The following NALCN variants were observed in gnomAD, a reference collection of about 807,000 sequenced individuals.
The protein encoded by NALCN is sodium leak channel NALCN.
Under a neutral mutation model 225.3 loss-of-function variants are expected in NALCN, and 111 were observed. The ratio of observed to expected loss-of-function variants is 0.49; its 90% confidence interval spans 0.42 to 0.58. The LOEUF is 0.58. Among genes scored for constraint, NALCN ranks in the 20% least tolerant of loss-of-function variants. The pLI is 0.00. For synonymous variants in NALCN, 764 were observed against 769.0 expected (o/e 0.99, Z 0.11); for missense variants, 1,378 against 2,202.4 (o/e 0.63, Z 7.49).
At chr13:101,208,932 T>C (rs973204553) in intron 13 of NALCN, among the ~76,000 whole-genome samples, 2 of 152,200 alleles carry the variant, frequency 1.3e-5, no homozygotes, top group African/African-American at 2.4e-5. Context: ...GCTTTAGAAA[T>C]TGCTCAGTCT....
At chr13:101,121,464 C>G (rs539220639) in intron 18 of NALCN, among the ~76,000 whole-genome samples, 22 of 152,242 alleles carry the variant, frequency 1.4e-4, no homozygotes, top group African/African-American at 4.8e-4. Context: ...AGGACGAATG[C>G]CAACCTGTGA....
At chr13:101,345,215 A>G (rs1355022446) in intron 7 of NALCN, 51 bp downstream of exon 7, 3 of 1,573,318 alleles carry the variant, frequency 1.9e-6, no homozygotes, top group Non-Finnish European at 2.6e-6. Flanking sequence ...TGTCCACTTC[A>G]TAAACATCAC....
At chr13:101,084,200 T>C (rs2033815481) in intron 30 of NALCN, among the ~76,000 whole-genome samples, 1 of 152,204 alleles carries the variant, frequency 6.6e-6, no homozygotes, top group African/African-American at 2.4e-5. Context: ...TAAGGGTATG[T>C]TGTCTTTCTT....
intron 13 of NALCN, among the ~76,000 whole-genome samples, chr13:101,201,933 T>G (rs1053977029): frequency 6.6e-6 from 1 of 152,196 alleles, no homozygotes; most frequent in African/African-American, 2.4e-5. Context: ...TATCTTACTA[T>G]AAGACAGCCC....
chr13:101,187,730 G>A (rs918682400), intron 14 of NALCN, among the ~76,000 whole-genome samples: 4 of 152,166 alleles, frequency 2.6e-5, no homozygotes, highest in Non-Finnish European at 4.4e-5. Context: ...ACAATGTGAC[G>A]TCTAAGTGAG....
chr13:101,070,031 G>A (rs1379093435), intron 37 of NALCN, among the ~76,000 whole-genome samples: 1 of 137,226 alleles, frequency 7.3e-6, no homozygotes, highest in South Asian at 2.5e-4. Context: ...TAATGTTGAT[G>A]ATATTTTGAC....
chr13:101,285,916 T>C (rs1038732680), intron 9 of NALCN, among the ~76,000 whole-genome samples: 5 of 152,182 alleles, frequency 3.3e-5, no homozygotes, highest in African/African-American at 1.2e-4. Context: ...AATTGTGGCA[T>C]AAAGGATCCC....
chr13:101,238,272 T>C (rs1566473178), intron 11 of NALCN, among the ~76,000 whole-genome samples: 1 of 151,912 alleles, frequency 6.6e-6, no homozygotes, highest in South Asian at 2.1e-4. Flanking sequence ...TTTTTTAAGA[T>C]AAAATTTATT....
intron 3 of NALCN, among the ~76,000 whole-genome samples, chr13:101,386,003 C>A (rs1251047505): frequency 2.0e-5 from 3 of 151,962 alleles, no homozygotes; most frequent in Non-Finnish European, 2.9e-5. Flanking sequence ...ATCAACAATT[C>A]AATAAAATAT....
At chr13:101,366,735 C>A (rs990015750) in intron 6 of NALCN, among the ~76,000 whole-genome samples, 1 of 152,094 alleles carries the variant, frequency 6.6e-6, no homozygotes, top group Non-Finnish European at 1.5e-5. Flanking sequence ...TTACATCGGG[C>A]CAATTAATAT....
intron 13 of NALCN, among the ~76,000 whole-genome samples, chr13:101,201,743 G>T (rs1354532219): frequency 2.0e-5 from 3 of 151,926 alleles, no homozygotes; most frequent in African/African-American, 7.3e-5. Context: ...AAATGTGGTG[G>T]GGAATACAAC....
In NALCN at chr13:101,195,346, C is replaced by A. The variant is rs80152869; in HGVS notation, c.1627-3292G>T. ...TGCCATGTATGTTCAGTGCATTTTC[C>A]CCTATACATTTCTTATATTTTTGCA... On this transcript the variant is annotated intron_variant, in intron 13 of 43. Coordinates refer to ENST00000251127, the MANE Select transcript of NALCN (RefSeq NM_052867.4). 4.7e-3 allele frequency among the ~76,000 whole-genome samples: 709 copies of A among 152,222 alleles called. 6 individuals are homozygous for A. Among genetic ancestry groups the A allele is most frequent in the African/African-American group, 0.017 (690 of 41,534 alleles).
intron 15 of NALCN, among the ~76,000 whole-genome samples, chr13:101,163,367 G>A (rs1053983990): frequency 3.3e-5 from 5 of 152,114 alleles, no homozygotes; most frequent in Admixed American, 1.3e-4. Flanking sequence ...TTTGTTCCAT[G>A]GTAAGAGAGA....
intron 27 of NALCN, among the ~76,000 whole-genome samples, chr13:101,097,494 AT>A (rs1202165832): frequency 6.6e-6 from 1 of 152,126 alleles, no homozygotes; most frequent in African/African-American, 2.4e-5. Context: ...CCCACCTTTG[AT>A]TGCATGAAGC....
chr13:101,369,201 T>A (rs61496806), intron 6 of NALCN, among the ~76,000 whole-genome samples: 31,349 of 150,558 alleles, frequency 0.21, 3,433 homozygotes, highest in Non-Finnish European at 0.24. Flanking sequence ...TGTGTGTGTA[T>A]GCTACTAGGC....
intron 43 of NALCN, among the ~76,000 whole-genome samples, chr13:101,055,828 A>G (rs1453171490): frequency 6.6e-6 from 1 of 152,156 alleles, no homozygotes; most frequent in Non-Finnish European, 1.5e-5. Context: ...AGCATATGCA[A>G]TAAAAAAAAC....
chr13:101,083,495 C>A (rs573054089), intron 31 of NALCN, among the ~76,000 whole-genome samples: 1 of 152,212 alleles, frequency 6.6e-6, no homozygotes, highest in East Asian at 1.9e-4. Flanking sequence ...TTCATTTTTT[C>A]ATTAAGGCTT....
At chr13:101,071,901 T>C (rs922057942) in intron 37 of NALCN, among the ~76,000 whole-genome samples, 5 of 152,190 alleles carry the variant, frequency 3.3e-5, no homozygotes, top group African/African-American at 1.2e-4. Context: ...TGAACACTTA[T>C]AGGCCATTGT....
intron 7 of NALCN, among the ~76,000 whole-genome samples, chr13:101,308,461 G>C (rs1417203690): frequency 1.3e-5 from 2 of 152,178 alleles, no homozygotes; most frequent in Admixed American, 1.3e-4. Flanking sequence ...TGCCACAGAG[G>C]CCTGCACTTT....
Sources: allele counts gnomAD v4.1 joint callset (sites outside exome capture counted in the v4.1 genomes callset), GRCh38; gene constraint gnomAD v4.1.1; transcripts MANE v1.5; gene names NCBI Gene and HGNC (gene_info 2026-07-23, HGNC 2026-07-21).